Variants in ARHGAP26 observed in about 807,000 individuals in gnomAD.
ARHGAP26 encodes the protein rho GTPase-activating protein 26.
A neutral mutation model predicts 104.8 loss-of-function variants in ARHGAP26; 38 were observed. That is an observed-to-expected ratio of 0.36 (90% CI 0.28 to 0.48). ARHGAP26 has a LOEUF of 0.48. Ranked by LOEUF, ARHGAP26 falls within the 20% of genes least tolerant of loss-of-function variation. The probability of loss-of-function intolerance (pLI) is 0.99; values close to 1 mark genes in which losing one functional copy is unlikely to be tolerated. For missense variants in ARHGAP26, 704 were observed against 947.9 expected (o/e 0.74, Z 3.38); for synonymous variants, 341 against 340.0 (o/e 1.00, Z -0.03).
At chr5:142,874,633 G>A (rs1336348954) in intron 2 of ARHGAP26, among the ~76,000 whole-genome samples, 1 of 152,170 alleles carries the variant, frequency 6.6e-6, no homozygotes, top group Non-Finnish European at 1.5e-5. Context: ...GTGGCTTGAG[G>A]ACTCAGGAGG....
intron 11 of ARHGAP26, among the ~76,000 whole-genome samples, chr5:142,978,747 CTTTTT>C (rs11375975): frequency 8.0e-6 from 1 of 124,648 alleles, no homozygotes; most frequent in Non-Finnish European, 1.7e-5. Context: ...AGGAGTTTGC[CTTTTT>C]TTTTTTTTTT....
intron 17 of ARHGAP26, among the ~76,000 whole-genome samples, chr5:143,110,350 A>T (rs975369886): frequency 6.6e-6 from 1 of 152,232 alleles, no homozygotes; most frequent in Non-Finnish European, 1.5e-5. Flanking sequence ...GTGCTAAAAA[A>T]TAGTTGGTAA....
intron 11 of ARHGAP26, among the ~76,000 whole-genome samples, chr5:142,999,918 T>G (rs1776962881): frequency 6.6e-6 from 1 of 151,760 alleles, no homozygotes; most frequent in Non-Finnish European, 1.5e-5. Context: ...CCCATAAAAC[T>G]CAGTAATAAA....
intron 1 of ARHGAP26, among the ~76,000 whole-genome samples, chr5:142,801,999 A>G (rs1762161866): frequency 6.6e-6 from 1 of 152,208 alleles, no homozygotes; most frequent in Admixed American, 6.5e-5. Flanking sequence ...AGATTGAAAG[A>G]AGAACATCAG....
rs1386630228 is a variant in ARHGAP26 at position 143,213,708 on chromosome 5, G to A, written c.2100-289G>A. ...AAAATGGGGCCCAGCCTGCCCTCCC[G>A]CTGTTTGGCTGTTGTAACTCCCAGG... On this transcript the variant is annotated intron_variant, in intron 21 of 22. Coordinates refer to ENST00000645722, the MANE Select transcript of ARHGAP26 (RefSeq NM_001135608.3). Among the ~76,000 whole-genome samples, 4 of 152,088 alleles carry A rather than the reference G, an allele frequency of 2.6e-5. No homozygotes were observed. In the East Asian group the frequency reaches 7.7e-4, roughly 29 times the overall value.
intron 1 of ARHGAP26, among the ~76,000 whole-genome samples, chr5:142,827,656 G>A (rs1052817047): frequency 1.3e-5 from 2 of 152,162 alleles, no homozygotes; most frequent in African/African-American, 4.8e-5. Context: ...TCAATGGCGT[G>A]GGCTATTGAG....
At chr5:142,961,351 G>A (rs1034431228) in intron 11 of ARHGAP26, among the ~76,000 whole-genome samples, 41 of 152,150 alleles carry the variant, frequency 2.7e-4, no homozygotes, top group African/African-American at 9.2e-4. Flanking sequence ...AACTAGCCGG[G>A]CATGGTGGTG....
At position 143,121,102 on chromosome 5, in the gene ARHGAP26, A is replaced by G; in HGVS notation, c.1653A>G (p.Lys551=). The change falls in exon 18 of 23, where the codon AAA becomes AAG. Residue 551 remains lysine (K), a synonymous_variant. Transcript: ENST00000645722. ...CAGTAGCAGCCATCATGGACATCAA[A>G]TTTCAGAACATTGTCATTGAGATCC... ...EETVAAIMDI[K]FQNIVIEILI... 1 of 1,613,540 alleles carries G rather than the reference A, an allele frequency of 6.2e-7. No homozygotes were observed. The highest frequency in any genetic ancestry group is 2.2e-5 in the East Asian group (1 of 44,870).
intron 11 of ARHGAP26, among the ~76,000 whole-genome samples, chr5:143,004,446 C>T (rs952603667): frequency 1.3e-5 from 2 of 152,150 alleles, no homozygotes; most frequent in African/African-American, 4.8e-5. Flanking sequence ...AAGGGTTAGG[C>T]TGACAATGAT....
chr5:142,791,082 G>GTTTTT (rs3059587), intron 1 of ARHGAP26, among the ~76,000 whole-genome samples: 14 of 142,852 alleles, frequency 9.8e-5, no homozygotes, highest in African/African-American at 7.8e-5. Context: ...TTGCTTTAAA[G>GTTTTT]TTTTTTTTTT....
At chr5:143,200,742 T>C (rs1479705728) in intron 20 of ARHGAP26, among the ~76,000 whole-genome samples, 3 of 152,260 alleles carry the variant, frequency 2.0e-5, no homozygotes, top group Non-Finnish European at 4.4e-5. Context: ...TATTAGAATT[T>C]TGAAAGATTA....
At chr5:143,068,161 T>C (rs866500167) in intron 17 of ARHGAP26, among the ~76,000 whole-genome samples, 3 of 152,060 alleles carry the variant, frequency 2.0e-5, no homozygotes, top group African/African-American at 7.3e-5. Flanking sequence ...CAACACCTTG[T>C]CTCAAGAAAT....
At chr5:143,111,877 C>A (rs941635778) in intron 17 of ARHGAP26, among the ~76,000 whole-genome samples, 5 of 152,204 alleles carry the variant, frequency 3.3e-5, no homozygotes, top group African/African-American at 1.2e-4. Context: ...ACCACGTCCC[C>A]CAACTGCCCC....
chr5:142,957,033 A>G (rs1490617244), intron 11 of ARHGAP26, among the ~76,000 whole-genome samples: 2 of 152,220 alleles, frequency 1.3e-5, no homozygotes, highest in Non-Finnish European at 2.9e-5. Context: ...AACCATATCA[A>G]GACCTCTTGA....
At chr5:143,041,149 G>A (rs1383454621) in intron 13 of ARHGAP26, among the ~76,000 whole-genome samples, 1 of 152,158 alleles carries the variant, frequency 6.6e-6, no homozygotes, top group African/African-American at 2.4e-5. Context: ...ATGGTACAGT[G>A]GTGATCTAAT....
chr5:143,209,637 C>T (rs896465881), intron 21 of ARHGAP26, among the ~76,000 whole-genome samples: 2 of 152,018 alleles, frequency 1.3e-5, no homozygotes, highest in Admixed American at 6.6e-5. Flanking sequence ...AAAAATTAGC[C>T]AGGCATGGTG....
rs71576156 is a variant in ARHGAP26, at chr5:142,787,995, CT to C, written c.154+17096del. On this transcript the variant is annotated intron_variant, in intron 1 of 22. Coordinates refer to ENST00000645722, the MANE Select transcript of ARHGAP26 (RefSeq NM_001135608.3). ...TTTTGTCCATGATTATTAACCAATT[CT>C]TTTTTTTTTTTTTTTAAGATGGAGT... Among the ~76,000 whole-genome samples the C allele has an allele frequency of 4.2e-3, 555 of 132,722 alleles. 1 individual carries two copies. The highest frequency in any genetic ancestry group is 7.5e-3 in the Middle Eastern group (2 of 268). The allele number at this position is 132,722 out of a possible 152,430, so 87.1% of individuals were successfully genotyped here.
At chr5:142,940,701 T>C (rs541130954) in intron 11 of ARHGAP26, among the ~76,000 whole-genome samples, 7 of 152,294 alleles carry the variant, frequency 4.6e-5, no homozygotes, top group African/African-American at 1.7e-4. Flanking sequence ...CAGCCTGCTA[T>C]TGATGGGCAT....
intron 20 of ARHGAP26, among the ~76,000 whole-genome samples, chr5:143,162,274 A>AACACACACACACACAC (rs771590759): frequency 1.2e-5 from 1 of 83,678 alleles, no homozygotes; most frequent in African/African-American, 5.8e-5. Flanking sequence ...TCTACTCCCA[A>AACACACACACACACAC]ACACACACAT....
Sources: allele counts gnomAD v4.1 joint callset (sites outside exome capture counted in the v4.1 genomes callset), GRCh38; gene constraint gnomAD v4.1.1; transcripts MANE v1.5; gene names NCBI Gene and HGNC (gene_info 2026-07-23, HGNC 2026-07-21).